OSBP: variants seen among roughly 807,000 people sequenced by gnomAD.
The protein encoded by OSBP is oxysterol binding protein, also known as oxysterol-binding protein 1.
A neutral mutation model predicts 96.6 loss-of-function variants in OSBP; 32 were observed. The ratio of observed to expected loss-of-function variants is 0.33; its 90% CI spans 0.25 to 0.45. OSBP has a LOEUF of 0.45. Among genes scored for constraint, OSBP ranks in the 20% least tolerant of loss-of-function variants. The pLI, the probability that OSBP is intolerant of heterozygous loss-of-function variation, is 1.00. For synonymous variants in OSBP, 369 were observed against 389.6 expected (o/e 0.95, Z 0.62); for missense variants, 653 against 1,029.7 (o/e 0.63, Z 5.01).
At chr11:59,594,693 C>A (rs1315993727) in intron 7 of OSBP, among the ~76,000 whole-genome samples, 1 of 152,182 alleles carries the variant, frequency 6.6e-6, no homozygotes, top group Admixed American at 6.5e-5. Flanking sequence ...ACAGCTATAT[C>A]CTGACTAGTT....
At chr11:59,599,858 G>C (rs1052176713) in intron 7 of OSBP, among the ~76,000 whole-genome samples, 6 of 152,158 alleles carry the variant, frequency 3.9e-5, no homozygotes, top group African/African-American at 1.4e-4. Context: ...TCGCCCATGG[G>C]GAGGAGTTAC....
chr11:59,611,211 TA>T (rs1295413395), intron 1 of OSBP, among the ~76,000 whole-genome samples: 11 of 151,916 alleles, frequency 7.2e-5, no homozygotes, highest in African/African-American at 1.2e-4. Context: ...CATGCAATGT[TA>T]ATTTAGCAAT....
At chr11:59,600,443 A>G in intron 7 of OSBP, 53 bp downstream of exon 7, 4 of 1,599,460 alleles carry the variant, frequency 2.5e-6, no homozygotes, top group Non-Finnish European at 3.4e-6. Flanking sequence ...CACTCTTCCC[A>G]CTGAGGCTTG....
chr11:59,601,978 G>GT (rs1860730410), intron 3 of OSBP, 140 bp from the exon 4 acceptor site: 1 of 698,578 alleles, frequency 1.4e-6, no homozygotes, highest in South Asian at 1.9e-5. Flanking sequence ...TTATGCCAAG[G>GT]TATCAGGGAC....
chr11:59,576,505 C>T lies in OSBP; in HGVS notation c.*72G>A, dbSNP rs1009092177. On this transcript the variant is annotated 3_prime_UTR_variant, in exon 14 of 14. Coordinates refer to ENST00000263847, the MANE Select transcript of OSBP (RefSeq NM_002556.3). ...AGGAAAGCACTTGGTAAGAGAGTCA[C>T]AACTTCCAGCTTTCCCACACATCCT... is the stretch of plus-strand genomic sequence containing the variant. The T allele has an allele frequency of 7.9e-6, 12 of 1,511,736 alleles. No individual in the cohort carries two copies. The East Asian group carries it at 2.3e-4, about 28-fold the overall frequency. 93.6% of individuals were successfully genotyped at this position (1,511,736 alleles called of 1,614,324 possible).
At chr11:59,589,908 A>G (rs1429092670) in intron 9 of OSBP, among the ~76,000 whole-genome samples, 1 of 151,876 alleles carries the variant, frequency 6.6e-6, no homozygotes, top group South Asian at 2.1e-4. Flanking sequence ...GCTTGAACCC[A>G]GGAGGAGGAG....
chr11:59,611,692 C>T (rs1860850594), intron 1 of OSBP, among the ~76,000 whole-genome samples: 1 of 152,186 alleles, frequency 6.6e-6, no homozygotes, highest in African/African-American at 2.4e-5. Context: ...CTGGTGGGAA[C>T]TCCTAAGCCG....
chr11:59,578,478 T>A, intron 11 of OSBP, 148 bp from the exon 12 acceptor site: 2 of 769,176 alleles, frequency 2.6e-6, no homozygotes, highest in East Asian at 5.3e-5. Context: ...AGAGATGGGA[T>A]CTTGCTCTGT....
In OSBP at chr11:59,601,375, G is replaced by C. The variant is rs564502273; in HGVS notation, c.1032C>G (p.Cys344Trp). The C allele has an allele frequency of 6.2e-7, 1 of 1,609,406 alleles. No individual in the cohort carries two copies. The highest frequency in any genetic ancestry group is 2.2e-5 in the East Asian group (1 of 44,862). ...GNVGSGKDQC[C>W]SGKGDMSDED... ...CATCGCTCATGTCCCCTTTGCCAGA[G>C]CAGCACTGATCTACAAGAAGAAAAG... The change falls in exon 5 of 14, where the codon TGC becomes TGG. Residue 344 changes from cysteine to tryptophan, a missense_variant. Coordinates refer to ENST00000263847, the MANE Select transcript of OSBP (RefSeq NM_002556.3).
In OSBP at chr11:59,576,461, G is replaced by A; in HGVS notation, c.*116C>T. 8.4e-7 allele frequency: 1 copy of A among 1,185,262 alleles called. No individual in the cohort carries two copies. Among genetic ancestry groups the A allele is most frequent in the Non-Finnish European group, 1.2e-6 (1 of 840,160 alleles). The allele number at this position is 1,185,262 out of a possible 1,614,324, so 73.4% of individuals were successfully genotyped here. A position where few individuals can be genotyped will look rare whatever the true frequency, so the allele number is the denominator to read the frequency against. On this transcript the variant is annotated 3_prime_UTR_variant, in exon 14 of 14. Transcript: ENST00000263847. ...GTGATTGATTTGGAAAAAATGATTG[G>A]TCAAGAGAGACAAACTTGAGGAAAG...
intron 9 of OSBP, among the ~76,000 whole-genome samples, chr11:59,593,069 A>G (rs1157811292): frequency 6.6e-6 from 1 of 152,170 alleles, no homozygotes; most frequent in Admixed American, 6.6e-5. Context: ...AAGTGCTAGG[A>G]TTACAGGGGT....
chr11:59,591,035 G>A (rs1860572732), intron 9 of OSBP, among the ~76,000 whole-genome samples: 1 of 152,220 alleles, frequency 6.6e-6, no homozygotes, highest in African/African-American at 2.4e-5. Flanking sequence ...ACTCAGTTAA[G>A]CAGGTGATAT....
intron 11 of OSBP, 139 bp downstream of exon 11, chr11:59,580,035 C>A: frequency 1.5e-6 from 1 of 659,590 alleles, no homozygotes; most frequent in Non-Finnish European, 2.7e-6. Flanking sequence ...TTTTTTGAAT[C>A]ACTATATGTA....
In OSBP at chr11:59,594,100, G is replaced by C; in HGVS notation, c.1467C>G (p.Phe489Leu). The change falls in exon 8 of 14, where the codon TTC becomes TTG. Residue 489 changes from phenylalanine (F) to leucine (L), a missense_variant. Coordinates refer to ENST00000263847, the MANE Select transcript of OSBP (RefSeq NM_002556.3). ...GTGGGTTGAATGGCTTACTGGTGCG[G>C]AAGACAGTAGTGGAGTAGGAGGACA... is the stretch of plus-strand genomic sequence containing the variant. ...FTVSSYSTTV[F>L]RTSKPFNPLL... 1 of 1,614,124 alleles carries C rather than the reference G, an allele frequency of 6.2e-7. No individual in the cohort carries two copies. The highest frequency in any genetic ancestry group is 8.5e-7 in the Non-Finnish European group (1 of 1,180,004).
In OSBP at chr11:59,600,585, T is replaced by G. The variant is rs751220122; in HGVS notation, c.1222A>C (p.Arg408=). Residue 408 remains arginine, a synonymous_variant, in exon 7 of 14, where the codon AGA becomes CGA. Transcript: ENST00000263847. The part of the protein sequence containing the change: ...LEETKKEKRT[R]IPYKPNYSLN... ...CTATAGTTTGGCTTGTATGGTATTCTGGTTCTCTTTTCCTTTTTGGTCTCC... is the reference window on the plus strand; with the variant it reads ...CTATAGTTTGGCTTGTATGGTATTCGGGTTCTCTTTTCCTTTTTGGTCTCC... 1.9e-6 allele frequency: 3 copies of G among 1,614,138 alleles called. No homozygotes were observed. In the Admixed American group the frequency reaches 5.0e-5, roughly 27 times the overall value.
intron 12 of OSBP, among the ~76,000 whole-genome samples, chr11:59,577,239 T>C (rs554756442): frequency 6.6e-6 from 1 of 152,202 alleles, no homozygotes; most frequent in Admixed American, 6.5e-5. Flanking sequence ...CTCAGTTCCA[T>C]AGTCTTCTGG....
At chr11:59,594,796 G>T (rs1860627590) in intron 7 of OSBP, among the ~76,000 whole-genome samples, 1 of 152,180 alleles carries the variant, frequency 6.6e-6, no homozygotes, top group Non-Finnish European at 1.5e-5. Flanking sequence ...TCTGAGGCTG[G>T]ATAATTGTGT....
intron 9 of OSBP, among the ~76,000 whole-genome samples, chr11:59,586,174 T>G (rs866166393): frequency 1.7e-4 from 8 of 46,574 alleles, no homozygotes; most frequent in African/African-American, 2.4e-4. Context: ...AAAAAATAAA[T>G]AAAGAAAAAA....
rs983163119 is a variant in OSBP, at chr11:59,615,730, C to G, written c.-66G>C. On this transcript the variant is annotated 5_prime_UTR_variant, in exon 1 of 14. Transcript: ENST00000263847. ...CGAGAGCCGCCGTCGCCGCCCGGAG[C>G]GCCCCACACGGCTACCGCATCAGCC... The G allele has an allele frequency of 1.6e-6, 2 of 1,242,134 alleles. No homozygotes were observed. The highest frequency in any genetic ancestry group is 3.1e-5 in the African/African-American group (2 of 63,682). 76.9% of individuals were successfully genotyped at this position (1,242,134 alleles called of 1,614,324 possible).
Sources: gnomAD v4.1 joint callset for allele counts (sites outside exome capture counted in the v4.1 genomes callset) on GRCh38, gnomAD v4.1.1 for gene constraint, MANE v1.5 for transcripts, NCBI Gene and HGNC (gene_info 2026-07-23, HGNC 2026-07-21) for gene names.